L3MBTL4: variants seen among roughly 807,000 people sequenced by gnomAD.
L3MBTL4 encodes L3MBTL histone methyl-lysine binding protein 4, also known as lethal(3)malignant brain tumor-like protein 4.
A neutral mutation model predicts 84.5 loss-of-function variants in L3MBTL4; 70 were observed. The observed-to-expected ratio is 0.83, with a 90% CI of 0.68 to 1.01. The LOEUF is 1.01. L3MBTL4 is among the 50% of genes least tolerant of loss of function. The probability of loss-of-function intolerance (pLI) is 0.00; values close to 1 mark genes in which losing one functional copy is unlikely to be tolerated. For missense variants in L3MBTL4, 715 were observed against 754.8 expected, an observed-to-expected ratio of 0.95 and a Z score of 0.62; for synonymous variants, 274 against 259.8, an observed-to-expected ratio of 1.05 and a Z score of -0.52.
At position 6,414,409 on chromosome 18, in the gene L3MBTL4, G is replaced by A. The variant is rs894430804; in HGVS notation, c.-91+392C>T. The stretch of plus-strand genomic sequence containing the variant: ...CCGGAGGACTGCCTGGGGGCCCTCA[G>A]GAGTCCCGTCCCGTCCCGCTCCCCC... On this transcript the variant is annotated intron_variant, in intron 1 of 18. Transcript: ENST00000317931. The surrounding 1 kb of genome is among the most constrained non-coding windows in gnomAD (Gnocchi z 5.4). Among the ~76,000 whole-genome samples, 4 of 152,222 alleles carry A rather than the reference G, an allele frequency of 2.6e-5. No homozygotes were observed. Among genetic ancestry groups the A allele is most frequent in the African/African-American group, 9.6e-5 (4 of 41,562 alleles).
At chr18:6,261,142 C>A (rs2048382142) in intron 5 of L3MBTL4, among the ~76,000 whole-genome samples, 1 of 152,186 alleles carries the variant, frequency 6.6e-6, no homozygotes, top group Non-Finnish European at 1.5e-5. Context: ...CATTCTACCT[C>A]AGATTGTTGC....
rs1290960324 is a variant in L3MBTL4, at chr18:6,154,789, A to C, written c.1097-16493T>G. 2.0e-5 allele frequency among the ~76,000 whole-genome samples: 3 copies of C among 152,194 alleles called. No individual in the cohort carries two copies. In the East Asian group the frequency reaches 5.8e-4, roughly 29 times the overall value. On this transcript the variant is annotated intron_variant, in intron 13 of 18. Coordinates refer to ENST00000317931, the MANE Select transcript of L3MBTL4 (RefSeq NM_001330559.2). ...TGAATTTAGACCCTAATCCTAGAAT[A>C]AAATGTGACTCCACTGTGTGAAAGA...
intron 14 of L3MBTL4, among the ~76,000 whole-genome samples, chr18:6,109,365 T>C (rs746004103): frequency 1.3e-5 from 2 of 152,130 alleles, no homozygotes; most frequent in Non-Finnish European, 1.5e-5. Context: ...GATTTAGTCA[T>C]TGTCATAACC....
chr18:6,008,448 G>A (rs1366172198), intron 16 of L3MBTL4, among the ~76,000 whole-genome samples: 2 of 152,214 alleles, frequency 1.3e-5, no homozygotes, highest in African/African-American at 4.8e-5. Context: ...ATAGATTGGT[G>A]GCTTCAACAC....
intron 12 of L3MBTL4, among the ~76,000 whole-genome samples, chr18:6,211,028 T>C (rs1175072546): frequency 1.3e-5 from 2 of 152,186 alleles, no homozygotes; most frequent in Non-Finnish European, 2.9e-5. Context: ...AACAAGCCTG[T>C]GAGGCAGGTA....
chr18:6,314,073 G>T (rs2050968919), intron 1 of L3MBTL4, among the ~76,000 whole-genome samples: 1 of 132,720 alleles, frequency 7.5e-6, no homozygotes, highest in Admixed American at 7.4e-5. Flanking sequence ...TAGATAGATA[G>T]ATAGATAGAT....
chr18:6,328,928 A>T (rs892664844), intron 1 of L3MBTL4, among the ~76,000 whole-genome samples: 1 of 152,184 alleles, frequency 6.6e-6, no homozygotes, highest in Middle Eastern at 3.2e-3. Flanking sequence ...TATTATTTTT[A>T]AAAATTGAAG....
chr18:6,220,491 C>T (rs1056435017), intron 10 of L3MBTL4, among the ~76,000 whole-genome samples: 3 of 152,264 alleles, frequency 2.0e-5, no homozygotes, highest in Admixed American at 6.5e-5. Context: ...CTCGCTCAGT[C>T]CCACCCTGAC....
chr18:6,193,978 C>T (rs577925537), intron 12 of L3MBTL4, among the ~76,000 whole-genome samples: 11 of 152,238 alleles, frequency 7.2e-5, no homozygotes, highest in Admixed American at 7.2e-4. Context: ...GCATTCATGG[C>T]AGTACTTTGT....
At chr18:5,998,796 T>C (rs2054092274) in intron 16 of L3MBTL4, among the ~76,000 whole-genome samples, 1 of 152,194 alleles carries the variant, frequency 6.6e-6, no homozygotes, top group African/African-American at 2.4e-5. Context: ...TGTCTGTTCC[T>C]GTCCCCTCCT....
chr18:6,013,551 C>A (rs1466664466), intron 16 of L3MBTL4, among the ~76,000 whole-genome samples: 1 of 152,246 alleles, frequency 6.6e-6, no homozygotes, highest in Non-Finnish European at 1.5e-5. Context: ...ATACCCTTGG[C>A]AGCCCTAGCC....
chr18:5,976,993 G>A (rs991919329), intron 16 of L3MBTL4, among the ~76,000 whole-genome samples: 4 of 152,070 alleles, frequency 2.6e-5, no homozygotes, highest in African/African-American at 9.7e-5. Context: ...GGACTCCGGA[G>A]GGCATCTTTC....
chr18:6,352,001 A>G (rs1238800344), intron 1 of L3MBTL4, among the ~76,000 whole-genome samples: 1 of 150,912 alleles, frequency 6.6e-6, no homozygotes, highest in Admixed American at 6.6e-5. Context: ...TGATTTCTTT[A>G]TAAAAAGTTT....
intron 13 of L3MBTL4, among the ~76,000 whole-genome samples, chr18:6,161,914 T>C (rs2043356484): frequency 6.6e-6 from 1 of 150,388 alleles, no homozygotes; most frequent in Non-Finnish European, 1.5e-5. Context: ...AAAAAATACA[T>C]ATAATTCTTA....
chr18:5,969,294 G>A, intron 17 of L3MBTL4, 99 bp downstream of exon 17: 1 of 1,324,226 alleles, frequency 7.6e-7, no homozygotes. Flanking sequence ...GAGAAAAAGG[G>A]CGCTGTCCCA....
intron 15 of L3MBTL4, among the ~76,000 whole-genome samples, chr18:6,088,241 G>C (rs1270759842): frequency 6.6e-6 from 1 of 152,188 alleles, no homozygotes; most frequent in South Asian, 2.1e-4. Context: ...GATAGGACTG[G>C]ACTGGACTTA....
chr18:6,254,856 C>T (rs2048072584), intron 5 of L3MBTL4, among the ~76,000 whole-genome samples: 1 of 152,096 alleles, frequency 6.6e-6, no homozygotes, highest in African/African-American at 2.4e-5. Flanking sequence ...GACTGAATTA[C>T]GGTCTCAGAA....
At chr18:5,965,897 G>T (rs1374600946) in intron 17 of L3MBTL4, among the ~76,000 whole-genome samples, 2 of 152,156 alleles carry the variant, frequency 1.3e-5, no homozygotes, top group Non-Finnish European at 2.9e-5. Flanking sequence ...GGAAGACAAG[G>T]TTATGGAAGC....
intron 5 of L3MBTL4, among the ~76,000 whole-genome samples, chr18:6,251,482 C>A (rs531964748): frequency 6.6e-6 from 1 of 152,158 alleles, no homozygotes; most frequent in African/African-American, 2.4e-5. Context: ...GTTTTAAGTA[C>A]TTACAAATAT....
Sources: allele counts gnomAD v4.1 joint callset (sites outside exome capture counted in the v4.1 genomes callset), GRCh38; gene constraint gnomAD v4.1.1; non-coding constraint Gnocchi (gnomAD v3.1); transcripts MANE v1.5; gene names NCBI Gene and HGNC (gene_info 2026-07-23, HGNC 2026-07-21).